PRDM4: variants seen among roughly 807,000 people sequenced by gnomAD.
PRDM4 encodes the protein PR/SET domain 4.
In PRDM4, 38 loss-of-function variants were observed where a neutral mutation model predicts 62.3. That is an observed-to-expected ratio of 0.61 (90% CI 0.47 to 0.80). The LOEUF (loss-of-function observed/expected upper bound fraction) is 0.80, where lower values mean the gene tolerates loss of function less well. Ranked by LOEUF, PRDM4 falls within the 30% of genes least tolerant of loss-of-function variation. PRDM4 has a pLI of 0.00. For synonymous variants in PRDM4, 339 were observed against 348.2 expected (o/e 0.97, Z 0.30); for missense variants, 858 against 997.1 (o/e 0.86, Z 1.88).
intron 11 of PRDM4, chr12:107,738,432 T>C (rs1240874040): frequency 1.3e-5 from 2 of 152,206 alleles, no homozygotes; most frequent in East Asian, 3.8e-4. Flanking sequence ...GAAGAACTGG[T>C]ATCAAAGCCA....
chr12:107,760,341 A>G (rs1891200310), intron 2 of PRDM4, among the ~76,000 whole-genome samples, 164 bp downstream of exon 2: 2 of 152,252 alleles, frequency 1.3e-5, no homozygotes, highest in Non-Finnish European at 1.5e-5. Flanking sequence ...ATTAGGATGC[A>G]TGAGATTACA....
intron 6 of PRDM4, among the ~76,000 whole-genome samples, 194 bp from the exon 7 acceptor site, chr12:107,744,855 T>A (rs1890638191): frequency 6.6e-6 from 1 of 150,530 alleles, no homozygotes; most frequent in African/African-American, 2.5e-5. Context: ...AGGTCAGGAG[T>A]TTGAGATCAG....
intron 4 of PRDM4, among the ~76,000 whole-genome samples, chr12:107,752,516 C>T (rs1890926747): frequency 7.5e-6 from 1 of 134,186 alleles, no homozygotes; most frequent in Non-Finnish European, 1.8e-5. Flanking sequence ...GTAAAATTTG[C>T]TCTCCTAATT....
rs909645451 is a variant in PRDM4, at chr12:107,761,087, T to G, written c.-387A>C. On this transcript the variant is annotated 5_prime_UTR_variant, in exon 1 of 12. Transcript: ENST00000228437. ...GGGGCCGCTGCCCTAACGTTTCCCG[T>G]CCCGCCCGGCCCTTCCCGGCCCGCG... is the stretch of plus-strand genomic sequence containing the variant. 3 of 151,074 alleles carry G rather than the reference T, an allele frequency of 2.0e-5. No homozygotes were observed. The highest frequency in any genetic ancestry group is 2.0e-4 in the East Asian group (1 of 5,104). The allele number at this position is 151,074 out of a possible 1,614,324, so 9.4% of individuals were successfully genotyped here.
chr12:107,757,157 G>A (rs778181117), intron 2 of PRDM4, among the ~76,000 whole-genome samples, 192 bp from the exon 3 acceptor site: 2 of 152,160 alleles, frequency 1.3e-5, no homozygotes, highest in African/African-American at 4.8e-5. Flanking sequence ...CTGAGATTGA[G>A]ACATTAAAAA....
At chr12:107,743,482 A>G (rs1890585410) in intron 7 of PRDM4, among the ~76,000 whole-genome samples, 200 bp from the exon 8 acceptor site, 1 of 152,234 alleles carries the variant, frequency 6.6e-6, no homozygotes, top group Non-Finnish European at 1.5e-5. Context: ...AGACCATCAG[A>G]GACCTACAGT....
chr12:107,756,123 A>G (rs1891058566), intron 3 of PRDM4, among the ~76,000 whole-genome samples: 2 of 150,140 alleles, frequency 1.3e-5, no homozygotes, highest in Middle Eastern at 3.4e-3. Flanking sequence ...AGCCAGGTGT[A>G]GGGGTGCATG....
Position 107,746,533 on chromosome 12 carries a change from G to T in PRDM4, c.1127-109C>A. 4 of 1,052,868 alleles carry T rather than the reference G, an allele frequency of 3.8e-6. No homozygotes were observed. In the East Asian group the frequency reaches 1.2e-4, roughly 31 times the overall value. 65.2% of individuals were successfully genotyped at this position (1,052,868 alleles called of 1,614,324 possible). On this transcript the variant is annotated intron_variant, in intron 5 of 11. Transcript: ENST00000228437. ...CAAAGTCTTGCTCTGCACCCAGGCT[G>T]GAGTGCAATGGCGCGATTTTGGCTC...
At position 107,743,208 on chromosome 12, in the gene PRDM4, C is replaced by T. The variant is rs1175390983; in HGVS notation, c.1470G>A (p.Val490=). 1 of 1,611,248 alleles carries T rather than the reference C, an allele frequency of 6.2e-7. No homozygotes were observed. Among genetic ancestry groups the T allele is most frequent in the Non-Finnish European group, 8.5e-7 (1 of 1,177,410 alleles). ...DENECNWMMF[V]RKARNREEQN... is the part of the protein sequence containing the mutation. ...AAGACTACTCATACCTGGCTTTGCG[C>T]ACAAACATCATCCAATTACATTCAT... The change falls in exon 8 of 12, where the codon GTG becomes GTA. Residue 490 remains valine (V), a synonymous_variant. Transcript: ENST00000228437.
At position 107,741,258 on chromosome 12, in the gene PRDM4, C is replaced by T. The variant is rs747660717; in HGVS notation, c.1612G>A (p.Val538Ile). 2.5e-6 allele frequency: 4 copies of T among 1,597,496 alleles called. No individual in the cohort carries two copies. In the Admixed American group the frequency reaches 5.2e-5, roughly 21 times the overall value. The change falls in exon 10 of 12, where the codon GTT becomes ATT. Residue 538 changes from valine (V) to isoleucine (I), a missense_variant and splice_region_variant. By Grantham distance (29) the Val-to-Ile change is conservative (BLOSUM62 3). Coordinates refer to ENST00000228437, the MANE Select transcript of PRDM4 (RefSeq NM_012406.4). ...YSRDYAQQIG[V>I]PEHPDVHLCN... ...AGATGCACATCTGGGTGTTCAGGAA[C>T]ACCTTTTAAAAAAAAATTACTCATT...
chr12:107,753,907 G>C lies in PRDM4; in HGVS notation c.331+17C>G. ...CCGTTCTTTTTCTCTAACATCTCAA[G>C]TAACTGTAACACTTACCAGGTAGAA... On this transcript the variant is annotated intron_variant, in intron 4 of 11. Transcript: ENST00000228437. The C allele has an allele frequency of 1.3e-6, 2 of 1,591,034 alleles. No homozygotes were observed. Among genetic ancestry groups the C allele is most frequent in the East Asian group, 4.5e-5 (2 of 44,544 alleles).
chr12:107,744,788 G>GAGCCACCACGCCCA, intron 6 of PRDM4, 127 bp from the exon 7 acceptor site: 1 of 1,313,526 alleles, frequency 7.6e-7, no homozygotes, highest in Non-Finnish European at 1.0e-6. Flanking sequence ...GGCTGGGCGT[G>GAGCCACCACGCCCA]GTGGCTCACG....
chr12:107,743,130 A>G, intron 8 of PRDM4, 67 bp downstream of exon 8: 1 of 1,314,388 alleles, frequency 7.6e-7, no homozygotes. Flanking sequence ...TTCTTCTTTT[A>G]TGCAAAGCTT....
Position 107,757,710 on chromosome 12 carries a change from TTGCACCAAACTTTTTTTTAAC to T in PRDM4, c.12-766_12-746del, listed in dbSNP as rs545658817. ...CAAAACACTGCCAAAAAGTTTTTCA[TTGCACCAAACTTTTTTTTAAC>T]TGCACCAAACTTTTTTTTTAACTAC... On this transcript the variant is annotated intron_variant, in intron 2 of 11. Transcript: ENST00000228437. 4.7e-3 allele frequency among the ~76,000 whole-genome samples: 718 copies of T among 151,950 alleles called. 24 individuals are homozygous for T. In the East Asian group the frequency reaches 0.07, roughly 15 times the overall value.
chr12:107,755,398 G>A (rs1036759955), intron 3 of PRDM4, among the ~76,000 whole-genome samples: 1 of 152,006 alleles, frequency 6.6e-6, no homozygotes, highest in Non-Finnish European at 1.5e-5. Context: ...GTGCCTGGCT[G>A]GCAATATTTT....
chr12:107,742,621 A>T, intron 8 of PRDM4: 4 of 412,962 alleles, frequency 9.7e-6, no homozygotes, highest in Non-Finnish European at 1.7e-5. Flanking sequence ...GAAGTCTTTA[A>T]AAAACAGTAT....
At chr12:107,759,761 TCTC>T (rs1891173109) in intron 2 of PRDM4, 1 of 152,228 alleles carries the variant, frequency 6.6e-6, no homozygotes, top group South Asian at 2.1e-4. Flanking sequence ...TCATTTTCTT[TCTC>T]CTATGAGATT....
intron 7 of PRDM4, among the ~76,000 whole-genome samples, chr12:107,744,226 TACAA>T (rs1034145807): frequency 8.5e-5 from 13 of 152,330 alleles, no homozygotes; most frequent in African/African-American, 1.7e-4. Context: ...ACTTTTATCA[TACAA>T]ACAAAGTCTG....
chr12:107,751,560 C>A lies in PRDM4; in HGVS notation c.981G>T (p.Val327=), dbSNP rs373044277. Residue 327 remains valine, a synonymous_variant, in exon 5 of 12, where the codon GTG becomes GTT. Coordinates refer to ENST00000228437, the MANE Select transcript of PRDM4 (RefSeq NM_012406.4). ...LHEVGLSLEP[V]AVSSITQEVA... ...CCTCCTGGGTGATGGAGGAGACAGC[C>A]ACAGGTTCTAGGCTGAGGCCAACTT... 13 of 1,612,960 alleles carry A rather than the reference C, an allele frequency of 8.1e-6. No individual in the cohort carries two copies. Among genetic ancestry groups the A allele is most frequent in the African/African-American group, 1.3e-5 (1 of 74,892 alleles).
Sources: allele counts gnomAD v4.1 joint callset (sites outside exome capture counted in the v4.1 genomes callset), GRCh38; gene constraint gnomAD v4.1.1; transcripts MANE v1.5; gene names NCBI Gene and HGNC (gene_info 2026-07-23, HGNC 2026-07-21).